The following COL22A1 variants were observed in gnomAD, a reference collection of about 807,000 sequenced individuals.
The protein encoded by COL22A1 is collagen type XXII alpha 1 chain.
A neutral mutation model predicts 248.9 loss-of-function variants in COL22A1; 221 were observed. That is an observed-to-expected ratio of 0.89 (90% CI 0.80 to 0.99). The LOEUF is 0.99. Ranked by LOEUF, COL22A1 falls within the 50% of genes least tolerant of loss-of-function variation. COL22A1 has a pLI of 0.00. For missense variants in COL22A1, 2,240 were observed against 2,179.0 expected (o/e 1.03, Z -0.56); for synonymous variants, 891 against 793.4 (o/e 1.12, Z -2.07).
At chr8:138,913,370 C>A (rs772897063) in intron 1 of COL22A1, among the ~76,000 whole-genome samples, 2 of 152,142 alleles carry the variant, frequency 1.3e-5, no homozygotes, top group African/African-American at 2.4e-5. Context: ...TGTGTTCTCA[C>A]GGATTTGCCG....
At chr8:138,858,734 C>T (rs1246970914) in intron 3 of COL22A1, among the ~76,000 whole-genome samples, 1 of 152,136 alleles carries the variant, frequency 6.6e-6, no homozygotes, top group Non-Finnish European at 1.5e-5. Flanking sequence ...GGCAGGCAGG[C>T]AGGAAAAACC....
chr8:138,745,037 C>A (rs1475823545), intron 22 of COL22A1, among the ~76,000 whole-genome samples: 1 of 152,170 alleles, frequency 6.6e-6, no homozygotes. Context: ...TGACCAAGAT[C>A]TAAGTGACCT....
intron 3 of COL22A1, among the ~76,000 whole-genome samples, chr8:138,872,748 C>T (rs1422717058): frequency 6.6e-6 from 1 of 152,200 alleles, no homozygotes; most frequent in Non-Finnish European, 1.5e-5. Context: ...GGGGCACTTC[C>T]CTGAATGTGT....
intron 16 of COL22A1, among the ~76,000 whole-genome samples, chr8:138,763,387 C>A (rs200803217): frequency 2.0e-5 from 3 of 148,918 alleles, no homozygotes; most frequent in Non-Finnish European, 3.0e-5. Context: ...ACTCTGTCTC[C>A]AAAAAAAAAG....
At chr8:138,743,773 A>AT (rs1157720067) in intron 22 of COL22A1, among the ~76,000 whole-genome samples, 3 of 152,146 alleles carry the variant, frequency 2.0e-5, no homozygotes, top group African/African-American at 4.8e-5. Context: ...AAGAGGGCAG[A>AT]TTTTTCAAGC....
At chr8:138,851,867 A>G (rs1286544829) in intron 3 of COL22A1, among the ~76,000 whole-genome samples, 3 of 152,184 alleles carry the variant, frequency 2.0e-5, no homozygotes, top group Non-Finnish European at 4.4e-5. Flanking sequence ...AGTGAGAAAG[A>G]TGGAAATTGA....
At chr8:138,593,944 C>G (rs1335402550) in intron 63 of COL22A1, 73 bp downstream of exon 63, 1 of 1,210,688 alleles carries the variant, frequency 8.3e-7, no homozygotes, top group Admixed American at 2.9e-5. Context: ...GCATGCAGTG[C>G]CACCTCCCAG....
intron 51 of COL22A1, among the ~76,000 whole-genome samples, chr8:138,625,844 A>G (rs1820193172): frequency 6.6e-6 from 1 of 152,220 alleles, no homozygotes. Context: ...TAGTTAATTA[A>G]CACAGTTATA....
chr8:138,661,940 G>T, intron 43 of COL22A1, 90 bp downstream of exon 43: 4 of 964,750 alleles, frequency 4.1e-6, no homozygotes, highest in South Asian at 1.8e-5. Context: ...TTGGCCACAT[G>T]GTCAAAGGAG....
intron 1 of COL22A1, among the ~76,000 whole-genome samples, chr8:138,911,110 T>A (rs1231812575): frequency 6.6e-6 from 1 of 152,236 alleles, no homozygotes; most frequent in Non-Finnish European, 1.5e-5. Context: ...AGCCATCCCA[T>A]CTGTCTGAAT....
At chr8:138,898,184 G>A (rs1468298872) in intron 1 of COL22A1, among the ~76,000 whole-genome samples, 1 of 152,144 alleles carries the variant, frequency 6.6e-6, no homozygotes, top group African/African-American at 2.4e-5. Context: ...GTCTACAGCA[G>A]ATAGGAATCA....
At chr8:138,855,072 G>A (rs1821919615) in intron 3 of COL22A1, among the ~76,000 whole-genome samples, 2 of 152,202 alleles carry the variant, frequency 1.3e-5, no homozygotes, top group Admixed American at 1.3e-4. Context: ...GCATCCTTCT[G>A]AGTCTCAGCT....
At chr8:138,627,998 A>T (rs1820392262) in intron 50 of COL22A1, among the ~76,000 whole-genome samples, 1 of 152,192 alleles carries the variant, frequency 6.6e-6, no homozygotes, top group South Asian at 2.1e-4. Flanking sequence ...TAAGATACCT[A>T]CAAAAGGTTA....
chr8:138,873,544 T>A (rs959277950), intron 3 of COL22A1, among the ~76,000 whole-genome samples: 1 of 152,194 alleles, frequency 6.6e-6, no homozygotes, highest in African/African-American at 2.4e-5. Flanking sequence ...GAAGCTTATA[T>A]CCTTGTGTGT....
intron 42 of COL22A1, among the ~76,000 whole-genome samples, chr8:138,663,300 G>C (rs545040550): frequency 6.6e-6 from 1 of 152,158 alleles, no homozygotes; most frequent in Non-Finnish European, 1.5e-5. Flanking sequence ...AGTGGCTCCC[G>C]GGTCTTGCTC....
intron 3 of COL22A1, among the ~76,000 whole-genome samples, chr8:138,863,489 G>C (rs1167701897): frequency 6.6e-6 from 1 of 152,142 alleles, no homozygotes; most frequent in African/African-American, 2.4e-5. Context: ...GGTGTTGGGG[G>C]CCTAGGGGTA....
At chr8:138,658,459 G>C (rs1373938110) in intron 44 of COL22A1, among the ~76,000 whole-genome samples, 2 of 152,192 alleles carry the variant, frequency 1.3e-5, no homozygotes, top group Admixed American at 6.5e-5. Flanking sequence ...CTCCATGCCT[G>C]TGTGACCGAC....
At chr8:138,692,057 C>T (rs56211997) in intron 35 of COL22A1, among the ~76,000 whole-genome samples, 18,607 of 43,304 alleles carry the variant, frequency 0.43, 2,889 homozygotes, top group South Asian at 0.48. Context: ...TGTGTGTGTG[C>T]GCGCACGTTT....
intron 46 of COL22A1, among the ~76,000 whole-genome samples, chr8:138,648,304 A>G (rs1822387515): frequency 6.6e-6 from 1 of 152,200 alleles, no homozygotes; most frequent in African/African-American, 2.4e-5. Flanking sequence ...CTATGCTCAA[A>G]TATCCTGCAT....
Sources: allele counts gnomAD v4.1 joint callset (sites outside exome capture counted in the v4.1 genomes callset), GRCh38; gene constraint gnomAD v4.1.1; transcripts MANE v1.5; gene names NCBI Gene and HGNC (gene_info 2026-07-23, HGNC 2026-07-21).